Variants in SETD1A observed in about 807,000 individuals in gnomAD.
SETD1A encodes the protein histone-lysine N-methyltransferase SETD1A.
SETD1A carries 29 observed loss-of-function variants against 149.9 expected under a neutral mutation model. The ratio of observed to expected loss-of-function variants is 0.19; its 90% confidence interval spans 0.14 to 0.26. The LOEUF (loss-of-function observed/expected upper bound fraction) is 0.26, where lower values mean the gene tolerates loss of function less well. Ranked by LOEUF, SETD1A falls within the 10% of genes least tolerant of loss-of-function variation. The pLI is 1.00. For missense variants in SETD1A, 2,109 were observed against 2,353.1 expected (o/e 0.90, Z 2.15); for synonymous variants, 1,141 against 968.5 (o/e 1.18, Z -3.31).
rs374755329 is a variant in SETD1A, at chr16:30,980,369, G to A, written c.4409-116G>A. On this transcript the variant is annotated intron_variant, in intron 14 of 18. Transcript: ENST00000262519. This position sits in a 1 kb window ranked among gnomAD's most constrained non-coding sequence, Gnocchi z 7.7. ...ATTTCTGGCAGGAACGATGGGGCTG[G>A]GGCTTCCTCCCCTGTCCCTCACCTG... 6 of 1,459,078 alleles carry A rather than the reference G, an allele frequency of 4.1e-6. No individual in the cohort carries two copies. The African/African-American group carries it at 5.7e-5, about 14-fold the overall frequency. The allele number at this position is 1,459,078 out of a possible 1,614,324, so 90.4% of individuals were successfully genotyped here.
In SETD1A at chr16:30,984,143, G is replaced by A; in HGVS notation, c.*120G>A. On this transcript the variant is annotated 3_prime_UTR_variant, in exon 19 of 19. Transcript: ENST00000262519. ...ACATGCCCCCATCTCCAAGCGTGGG[G>A]TTGGGGGCCCCAAGCCCAGCGAGGG... 2.0e-6 allele frequency: 2 copies of A among 1,012,932 alleles called. No homozygotes were observed. Among genetic ancestry groups the A allele is most frequent in the Non-Finnish European group, 1.4e-6 (1 of 716,430 alleles). The allele number at this position is 1,012,932 out of a possible 1,614,324, so 62.7% of individuals were successfully genotyped here. A position where few individuals can be genotyped will look rare whatever the true frequency, so the allele number is the denominator to read the frequency against.
At position 30,983,577 on chromosome 16, in the gene SETD1A, G is replaced by T. The variant is rs1027766074; in HGVS notation, c.4813-58G>T. On this transcript the variant is annotated intron_variant, in intron 17 of 18. Transcript: ENST00000262519. The surrounding 1 kb of genome is among the most constrained non-coding windows in gnomAD (Gnocchi z 6.8). ...GGACCTGGGGTGCTGGCTGGCAGGCGTGCTCAGGGGCAGGAAGTGGGGGAC... is the reference window on the plus strand; with the variant it reads ...GGACCTGGGGTGCTGGCTGGCAGGCTTGCTCAGGGGCAGGAAGTGGGGGAC... 3 of 1,574,816 alleles carry T rather than the reference G, an allele frequency of 1.9e-6. No homozygotes were observed. The highest frequency in any genetic ancestry group is 2.7e-5 in the African/African-American group (2 of 74,624).
rs967012724 is a variant in SETD1A, at chr16:30,983,228, G to T, written c.4813-407G>T. The stretch of plus-strand genomic sequence containing the variant: ...CATTAGCCGGTGGCAGCCAACAGGT[G>T]CCTGTTTTGGAGAGAGGTCCAGGGA... On this transcript the variant is annotated intron_variant, in intron 17 of 18. Transcript: ENST00000262519. The surrounding 1 kb of genome is among the most constrained non-coding windows in gnomAD (Gnocchi z 6.8). Among the ~76,000 whole-genome samples, 2 of 152,212 alleles carry T rather than the reference G, an allele frequency of 1.3e-5. No homozygotes were observed. The highest frequency in any genetic ancestry group is 4.8e-5 in the African/African-American group (2 of 41,446).
At chr16:30,959,532 A>G (rs568298069) in intron 3 of SETD1A, among the ~76,000 whole-genome samples, 1 of 152,280 alleles carries the variant, frequency 6.6e-6, no homozygotes, top group South Asian at 2.1e-4. Context: ...GGGGAGTGAC[A>G]AGGCCACTGC....
Position 30,984,145 on chromosome 16 carries a change from TGGG to T in SETD1A, c.*125_*127del. On this transcript the variant is annotated 3_prime_UTR_variant, in exon 19 of 19. Coordinates refer to ENST00000262519, the MANE Select transcript of SETD1A (RefSeq NM_014712.3). ...ATGCCCCCATCTCCAAGCGTGGGGTTGGGGGCCCCAAGCCCAGCGAGGGAGCCT... is the reference window on the plus strand; with the variant it reads ...ATGCCCCCATCTCCAAGCGTGGGGTTGGCCCCAAGCCCAGCGAGGGAGCCT... 1.0e-6 allele frequency: 1 copy of T among 983,766 alleles called. No individual in the cohort carries two copies. Among genetic ancestry groups the T allele is most frequent in the Non-Finnish European group, 1.4e-6 (1 of 690,200 alleles). 60.9% of individuals were successfully genotyped at this position (983,766 alleles called of 1,614,324 possible). A position where few individuals can be genotyped will look rare whatever the true frequency, so the allele number is the denominator to read the frequency against.
intron 4 of SETD1A, among the ~76,000 whole-genome samples, chr16:30,962,264 C>T (rs1427711599): frequency 6.6e-6 from 1 of 152,078 alleles, no homozygotes; most frequent in Non-Finnish European, 1.5e-5. Flanking sequence ...AGGGTTTCAC[C>T]CTGTTAGCCA....
chr16:30,977,836 G>A (rs1387989979), intron 13 of SETD1A, among the ~76,000 whole-genome samples: 2 of 152,218 alleles, frequency 1.3e-5, no homozygotes. Flanking sequence ...CCCTGTTGGC[G>A]CTGAGCGGGG....
Position 30,983,885 on chromosome 16 carries a change from C to G in SETD1A, c.4986C>G (p.Ser1662=). ...NCYAKVITIE[S]QKKIVIYSKQ... is the part of the protein sequence containing the mutation. ...ACGCCAAGGTCATCACCATCGAGTC[C>G]CAGAAGAAGATCGTGATCTACTCCA... Residue 1662 remains serine, a synonymous_variant, in exon 19 of 19, where the codon TCC becomes TCG. Coordinates refer to ENST00000262519, the MANE Select transcript of SETD1A (RefSeq NM_014712.3). This position sits in a 1 kb window ranked among gnomAD's most constrained non-coding sequence, Gnocchi z 6.8. The G allele has an allele frequency of 1.2e-6, 2 of 1,611,946 alleles. No individual in the cohort carries two copies. The highest frequency in any genetic ancestry group is 1.6e-4 in the Middle Eastern group (1 of 6,062).
chr16:30,965,966 G>T lies in SETD1A; in HGVS notation c.2085G>T (p.Gln695His), dbSNP rs773697848. The T allele has an allele frequency of 6.3e-7, 1 of 1,599,760 alleles. No individual in the cohort carries two copies. Among genetic ancestry groups the T allele is most frequent in the Admixed American group, 1.7e-5 (1 of 58,398 alleles). Reference protein sequence around the residue: ...QMLTRLHQLRQGKGLIAASAG... With the variant: ...QMLTRLHQLRHGKGLIAASAG... ...TAACTCGGCTCCATCAGCTGCGGCA[G>T]GGCAAGGGATTGATTGCCGCCTCAG... Residue 695 changes from glutamine (Q) to histidine (H), a missense_variant, in exon 8 of 19, where the codon CAG (glutamine) becomes CAT (histidine). By Grantham distance (24) the Gln-to-His change is conservative (BLOSUM62 0). Coordinates refer to ENST00000262519, the MANE Select transcript of SETD1A (RefSeq NM_014712.3).
intron 3 of SETD1A, 132 bp downstream of exon 3, chr16:30,959,318 G>A: frequency 1.4e-6 from 1 of 702,922 alleles, no homozygotes; most frequent in Non-Finnish European, 2.6e-6. Flanking sequence ...GAGGCTGTGA[G>A]ACTCAGTTGT....
intron 10 of SETD1A, 53 bp from the exon 11 acceptor site, chr16:30,969,252 A>G: frequency 6.4e-7 from 1 of 1,566,148 alleles, no homozygotes; most frequent in Non-Finnish European, 8.7e-7. Context: ...TGCACAGGGC[A>G]AGTATCTTGT....
Position 30,980,699 on chromosome 16 carries a change from C to T in SETD1A, c.4582-40C>T, listed in dbSNP as rs758895675. ...CGCCGCGTCCTCCTGCCACTCACTT[C>T]CCTGCCCTGCTCACCTCCTCCCTGC... On this transcript the variant is annotated intron_variant, in intron 15 of 18. Coordinates refer to ENST00000262519, the MANE Select transcript of SETD1A (RefSeq NM_014712.3). This position sits in a 1 kb window ranked among gnomAD's most constrained non-coding sequence, Gnocchi z 7.7. 9 of 1,610,926 alleles carry T rather than the reference C, an allele frequency of 5.6e-6. No homozygotes were observed. In the Admixed American group the frequency reaches 1.0e-4, roughly 18 times the overall value.
intron 4 of SETD1A, 106 bp from the exon 5 acceptor site, chr16:30,963,326 AT>A (rs1567350790): frequency 1.8e-6 from 2 of 1,117,914 alleles, no homozygotes; most frequent in Non-Finnish European, 2.5e-6. Flanking sequence ...TGAAACCCAG[AT>A]TCCAAGAAAT....
In SETD1A at chr16:30,964,554, A is replaced by G. The variant is rs1000423385; in HGVS notation, c.870-58A>G. The G allele has an allele frequency of 1.4e-4, 219 of 1,574,096 alleles. 1 individual carries two copies. The highest frequency in any genetic ancestry group is 1.5e-4 in the Non-Finnish European group (175 of 1,159,858). ...GGGGCTTTGGGCCCTGGGACCCAGT[A>G]CGCTGTGGTTTGGTCATAGAGAGCT... is the stretch of plus-strand genomic sequence containing the variant. On this transcript the variant is annotated intron_variant, in intron 6 of 18. Coordinates refer to ENST00000262519, the MANE Select transcript of SETD1A (RefSeq NM_014712.3).
At chr16:30,974,671 G>C (rs949210758) in intron 13 of SETD1A, among the ~76,000 whole-genome samples, 1 of 152,254 alleles carries the variant, frequency 6.6e-6, no homozygotes, top group East Asian at 1.9e-4. Flanking sequence ...AATGAGGGGA[G>C]GGCAGTTTTC....
In SETD1A at chr16:30,966,253, T is replaced by C. The variant is rs1260779731; in HGVS notation, c.2372T>C (p.Val791Ala). The stretch of plus-strand genomic sequence containing the variant: ...AAGACCCTCCCGACAGCAGGCACCG[T>C]GGGCCGTGTGCTCGCCATGCTGGTC... The part of the protein sequence containing the change: ...EGKTLPTAGT[V>A]GRVLAMLVQE... Residue 791 changes from valine (V) to alanine (A), a missense_variant, in exon 8 of 19, where the codon GTG (valine) becomes GCG (alanine). Transcript: ENST00000262519. 9 of 1,613,654 alleles carry C rather than the reference T, an allele frequency of 5.6e-6. No individual in the cohort carries two copies. Among genetic ancestry groups the C allele is most frequent in the Non-Finnish European group, 7.6e-6 (9 of 1,179,982 alleles).
In SETD1A at chr16:30,983,722, G is replaced by A; in HGVS notation, c.4900G>A (p.Asp1634Asn). 1 of 1,614,110 alleles carries A rather than the reference G, an allele frequency of 6.2e-7. No homozygotes were observed. Residue 1634 changes from aspartate to asparagine, a missense_variant, in exon 18 of 19, where the codon GAT becomes AAT. Transcript: ENST00000262519. The surrounding 1 kb of genome is among the most constrained non-coding windows in gnomAD (Gnocchi z 6.8). The stretch of plus-strand genomic sequence containing the variant: ...CCGGGTGGACCACGACACCATCATC[G>A]ATGCCACCAAGTGTGGCAACCTGGC... ...LFRVDHDTII[D>N]ATKCGNLARF... is the part of the protein sequence containing the mutation.
At chr16:30,962,728 C>T (rs1249340904) in intron 4 of SETD1A, among the ~76,000 whole-genome samples, 1 of 152,234 alleles carries the variant, frequency 6.6e-6, no homozygotes, top group Non-Finnish European at 1.5e-5. Context: ...GGGCAGATCA[C>T]CTGAGGACAG....
Position 30,967,054 on chromosome 16 carries a change from A to C in SETD1A, c.2676A>C (p.Ser892=). 1 of 1,577,720 alleles carries C rather than the reference A, an allele frequency of 6.3e-7. No individual in the cohort carries two copies. The highest frequency in any genetic ancestry group is 8.6e-7 in the Non-Finnish European group (1 of 1,162,670). ...SGLRGALRLP[S]FKVKRKEPSE... ...TGAGAGGGGCCCTGCGGCTGCCTTC[A>C]TTCAAGGTACTCAGAACTGTCGTTT... Residue 892 remains serine (S), a synonymous_variant, in exon 9 of 19, where the codon TCA becomes TCC. Transcript: ENST00000262519.
Sources: gnomAD v4.1 joint callset for allele counts (sites outside exome capture counted in the v4.1 genomes callset) on GRCh38, gnomAD v4.1.1 for gene constraint, Gnocchi (gnomAD v3.1) non-coding constraint, MANE v1.5 for transcripts, NCBI Gene and HGNC (gene_info 2026-07-23, HGNC 2026-07-21) for gene names.